Variants in MPP4 observed in about 807,000 individuals in gnomAD.
MPP4 encodes MAGUK p55 scaffold protein 4.
In MPP4, 91 loss-of-function variants were observed where a neutral mutation model predicts 98.3. That is an observed-to-expected ratio of 0.93 (90% CI 0.78 to 1.10). The LOEUF (loss-of-function observed/expected upper bound fraction) is 1.10. Among genes scored for constraint, MPP4 ranks in the 50% least tolerant of loss-of-function variants. MPP4 has a pLI of 0.00. For synonymous variants in MPP4, 261 were observed against 271.8 expected (o/e 0.96, Z 0.39); for missense variants, 744 against 792.9 (o/e 0.94, Z 0.74).
At chr2:201,694,201 A>T (rs1447370277) in intron 1 of MPP4, 147 bp from the exon 2 acceptor site, 1 of 719,212 alleles carries the variant, frequency 1.4e-6, no homozygotes, top group African/African-American at 1.8e-5. Context: ...ACTATTGCAT[A>T]AAATGCTCCC....
At position 201,664,102 on chromosome 2, in the gene MPP4, C is replaced by G. The variant is rs927738913; in HGVS notation, c.1052-1G>C. On this transcript the variant is annotated splice_acceptor_variant, in intron 13 of 21. Coordinates refer to ENST00000409474, the MANE Select transcript of MPP4 (RefSeq NM_033066.3). LOFTEE classifies it high-confidence loss of function. Reference sequence around the variant, plus strand: ...TTACCAGATTCAAATGTTTCTTCATCTATGATTTTTCATGGAGGCAAAAAT... The same window carrying G: ...TTACCAGATTCAAATGTTTCTTCATGTATGATTTTTCATGGAGGCAAAAAT... 3 of 1,504,718 alleles carry G rather than the reference C, an allele frequency of 2.0e-6. No homozygotes were observed. The highest frequency in any genetic ancestry group is 2.8e-5 in the African/African-American group (2 of 72,620). 93.2% of individuals were successfully genotyped at this position (1,504,718 alleles called of 1,614,324 possible).
chr2:201,677,968 C>T (rs766392090), intron 10 of MPP4, among the ~76,000 whole-genome samples: 1 of 152,204 alleles, frequency 6.6e-6, no homozygotes, highest in Non-Finnish European at 1.5e-5. Context: ...TCCAATGTGC[C>T]TCCTGGTTTT....
rs944662228 is a variant in MPP4, at chr2:201,661,534, C to A, written c.1073-1188G>T. The stretch of plus-strand genomic sequence containing the variant: ...CCAGCTGAGAGGAGTCCACAAGGGG[C>A]GTTTTACAGTAGGCACCTCCCTCTG... On this transcript the variant is annotated intron_variant, in intron 14 of 21. Coordinates refer to ENST00000409474, the MANE Select transcript of MPP4 (RefSeq NM_033066.3). 7 of 456,286 alleles carry A rather than the reference C, an allele frequency of 1.5e-5. No individual in the cohort carries two copies. In the East Asian group the frequency reaches 4.9e-4, roughly 32 times the overall value. 28.3% of individuals were successfully genotyped at this position (456,286 alleles called of 1,614,324 possible). A position where few individuals can be genotyped will look rare whatever the true frequency, so the allele number is the denominator to read the frequency against.
chr2:201,685,665 A>C (rs1230913643), intron 6 of MPP4, among the ~76,000 whole-genome samples: 1 of 152,250 alleles, frequency 6.6e-6, no homozygotes, highest in Non-Finnish European at 1.5e-5. Flanking sequence ...CTTATTTCTC[A>C]CAAAAATGTC....
intron 18 of MPP4, chr2:201,650,394 G>T: frequency 1.0e-6 from 1 of 985,384 alleles, no homozygotes; most frequent in Non-Finnish European, 1.2e-6. Flanking sequence ...GAATGCACTA[G>T]GTATTAAGCC....
chr2:201,683,884 G>C (rs1230107075), intron 7 of MPP4, among the ~76,000 whole-genome samples: 4 of 152,030 alleles, frequency 2.6e-5, no homozygotes, highest in Non-Finnish European at 4.4e-5. Context: ...AGGGCTTCGG[G>C]GTAGTGAAGA....
Position 201,658,537 on chromosome 2 carries a change from A to G in MPP4, c.1088-19T>C, listed in dbSNP as rs773173140. 37 of 1,608,268 alleles carry G rather than the reference A, an allele frequency of 2.3e-5. No homozygotes were observed. The highest frequency in any genetic ancestry group is 3.1e-5 in the Non-Finnish European group (37 of 1,177,582). The stretch of plus-strand genomic sequence containing the variant: ...TCCTTGTCTGAAACACAAAGAACAG[A>G]TGGAGCAGAATATGTGAGAGCGAGA... On this transcript the variant is annotated intron_variant, in intron 15 of 21. Coordinates refer to ENST00000409474, the MANE Select transcript of MPP4 (RefSeq NM_033066.3).
At position 201,685,800 on chromosome 2, in the gene MPP4, A is replaced by G. The variant is rs1688812098; in HGVS notation, c.492+119T>C. 3 of 1,160,774 alleles carry G rather than the reference A, an allele frequency of 2.6e-6. No individual in the cohort carries two copies. In the Admixed American group the frequency reaches 7.1e-5, roughly 28 times the overall value. The allele number at this position is 1,160,774 out of a possible 1,614,324, so 71.9% of individuals were successfully genotyped here. A position where few individuals can be genotyped will look rare whatever the true frequency, so the allele number is the denominator to read the frequency against. On this transcript the variant is annotated intron_variant, in intron 6 of 21. Transcript: ENST00000409474. ...AAAACTTGCAGAGTTGACAGCCGTT[A>G]TTATCACTGTATATGTGATCGCAGG...
chr2:201,658,620 T>A, intron 15 of MPP4, 102 bp from the exon 16 acceptor site: 1 of 1,010,406 alleles, frequency 9.9e-7, no homozygotes, highest in South Asian at 1.5e-5. Flanking sequence ...ACCACCTTAG[T>A]AGACGGCAGC....
intron 16 of MPP4, among the ~76,000 whole-genome samples, chr2:201,657,639 G>T (rs1358828417): frequency 8.1e-6 from 1 of 122,854 alleles, no homozygotes; most frequent in East Asian, 2.9e-4. Flanking sequence ...TCAATCAAGA[G>T]CACTTAAATG....
chr2:201,694,608 CTTTTTTTTTTTT>C (rs777556505), intron 1 of MPP4, among the ~76,000 whole-genome samples: 3 of 78,904 alleles, frequency 3.8e-5, no homozygotes, highest in East Asian at 4.7e-4. Flanking sequence ...TTCTTTTTCC[CTTTTTTTTTTTT>C]TTTTTTTTTT....
intron 21 of MPP4, among the ~76,000 whole-genome samples, chr2:201,647,174 G>A (rs1687581998): frequency 6.6e-6 from 1 of 152,134 alleles, no homozygotes; most frequent in Non-Finnish European, 1.5e-5. Context: ...ATTTCACTTG[G>A]CTTGCCCCCT....
chr2:201,676,133 G>A (rs186214091), intron 10 of MPP4, among the ~76,000 whole-genome samples: 1 of 152,208 alleles, frequency 6.6e-6, no homozygotes, highest in African/African-American at 2.4e-5. Context: ...AAATAATCTG[G>A]GCCTCCCAGA....
intron 10 of MPP4, chr2:201,680,465 T>C (rs112137341): frequency 0.012 from 1,935 of 165,850 alleles, 43 homozygotes; most frequent in African/African-American, 0.041. Context: ...ATCCCATTCA[T>C]GAGGGCAGAG....
chr2:201,646,685 T>C (rs1335153107), intron 21 of MPP4: 1 of 151,990 alleles, frequency 6.6e-6, no homozygotes, highest in Non-Finnish European at 1.5e-5. Context: ...AAAATAAAAA[T>C]AATAAGAGAA....
At chr2:201,684,131 A>C (rs2105941555) in intron 7 of MPP4, among the ~76,000 whole-genome samples, 2 of 151,456 alleles carry the variant, frequency 1.3e-5, no homozygotes, top group South Asian at 4.2e-4. Flanking sequence ...AGGTGGAAGG[A>C]TTGCTTGAGC....
intron 18 of MPP4, chr2:201,651,822 C>T (rs993335268): frequency 2.0e-4 from 64 of 312,980 alleles, no homozygotes; most frequent in Non-Finnish European, 2.9e-4. Context: ...GGCATGGTGA[C>T]GTACACCTGT....
At chr2:201,688,805 T>C (rs62193403) in intron 4 of MPP4, among the ~76,000 whole-genome samples, 10,040 of 151,930 alleles carry the variant, frequency 0.066, 443 homozygotes, top group East Asian at 0.24. Flanking sequence ...TTAGTGGAGA[T>C]GGGGTTTCGC....
intron 7 of MPP4, 51 bp downstream of exon 7, chr2:201,685,013 A>C (rs1688779357): frequency 6.0e-6 from 9 of 1,495,782 alleles, no homozygotes; most frequent in African/African-American, 1.4e-5. Flanking sequence ...CTAAACAGTC[A>C]AGGGTTTCCT....
Sources: gnomAD v4.1 joint callset for allele counts (sites outside exome capture counted in the v4.1 genomes callset) on GRCh38, gnomAD v4.1.1 for gene constraint, MANE v1.5 for transcripts, NCBI Gene and HGNC (gene_info 2026-07-23, HGNC 2026-07-21) for gene names.